Variants in UPRT observed in about 807,000 individuals in gnomAD.
The protein encoded by UPRT is uracil phosphoribosyltransferase homolog, also known as RP11-311P8.3.
UPRT carries 5 observed loss-of-function variants against 22.6 expected under a neutral mutation model. That is an observed-to-expected ratio of 0.22 (90% CI 0.12 to 0.47). The LOEUF (loss-of-function observed/expected upper bound fraction) is 0.47. UPRT is among the 20% of genes least tolerant of loss of function. The pLI, the probability that UPRT is intolerant of heterozygous loss-of-function variation, is 0.99. For missense variants in UPRT, 181 were observed against 239.9 expected (o/e 0.75, Z 1.62); for synonymous variants, 77 against 87.7 (o/e 0.88, Z 0.68).
chrX:75,186,069 G>C (rs1171958878), intron 4 of UPRT, among the ~76,000 whole-genome samples: 1 of 111,018 alleles, frequency 9.0e-6, no homozygotes, highest in East Asian at 2.8e-4. Flanking sequence ...GCTAGCTTTT[G>C]AATGTGTTTG....
Position 75,175,487 on chromosome X carries a change from C to T in UPRT, c.-447+7608C>T, listed in dbSNP as rs143551940. ...GACAGGAGATTAACACTGAGAAGGC[C>T]GCACCAGTGTCCAGGAGGAAGTCAA... On this transcript the variant is annotated intron_variant, in intron 4 of 13. Transcript: ENST00000652605. 9.8e-3 allele frequency among the ~76,000 whole-genome samples: 1,097 copies of T among 111,766 alleles called. 15 individuals carry two copies. The highest frequency in any genetic ancestry group is 0.032 in the African/African-American group (990 of 30,719).
At chrX:75,205,012 G>C (rs1174830092) in intron 4 of UPRT, among the ~76,000 whole-genome samples, 1 of 111,177 alleles carries the variant, frequency 9.0e-6, no homozygotes, top group African/African-American at 3.3e-5. Flanking sequence ...TTAATGTGAA[G>C]AATGTGTGTG....
intron 4 of UPRT, among the ~76,000 whole-genome samples, chrX:75,239,711 G>T (rs1247168704): frequency 9.0e-6 from 1 of 111,306 alleles, no homozygotes; most frequent in Non-Finnish European, 1.9e-5. Flanking sequence ...CAAAATACCA[G>T]CTAAATGAAT....
chrX:75,171,496 T>A, intron 4 of UPRT, among the ~76,000 whole-genome samples: 1 of 111,334 alleles, frequency 9.0e-6, no homozygotes, highest in African/African-American at 3.3e-5. Context: ...ATTTTTTCAT[T>A]TCCTTAAATT....
rs1218346887 is a variant in UPRT, at chrX:75,304,812, A to G, written c.*1301A>G. 1.8e-4 allele frequency among the ~76,000 whole-genome samples: 20 copies of G among 112,181 alleles called. No homozygotes were observed. Among genetic ancestry groups the G allele is most frequent in the Non-Finnish European group, 1.1e-4 (6 of 53,251 alleles). On this transcript the variant is annotated 3_prime_UTR_variant, in exon 7 of 7. Transcript: ENST00000373383. ...GGGACTAGAATACTAGAAGAACTTCAGTATATTTTTCCCTTTATTTTTGAA... is the reference window on the plus strand; with the variant it reads ...GGGACTAGAATACTAGAAGAACTTCGGTATATTTTTCCCTTTATTTTTGAA...
intron 4 of UPRT, among the ~76,000 whole-genome samples, chrX:75,237,060 G>T (rs942987324): frequency 7.2e-5 from 8 of 111,869 alleles, no homozygotes; most frequent in African/African-American, 2.3e-4. Flanking sequence ...CTGACAAAGG[G>T]CTAATATTCA....
intron 4 of UPRT, among the ~76,000 whole-genome samples, chrX:75,191,419 G>T (rs1422095842): frequency 9.0e-6 from 1 of 111,684 alleles, no homozygotes; most frequent in Non-Finnish European, 1.9e-5. Flanking sequence ...GGCTACTCGG[G>T]GGTGAGGGAC....
chrX:75,204,730 A>AT (rs2082358602), intron 4 of UPRT, among the ~76,000 whole-genome samples: 1 of 111,328 alleles, frequency 9.0e-6, no homozygotes, highest in Admixed American at 9.6e-5. Flanking sequence ...CTGTTTGTGC[A>AT]TTTTTTCCAA....
chrX:75,260,390 TA>T (rs1331406393), intron 4 of UPRT, among the ~76,000 whole-genome samples: 1 of 110,834 alleles, frequency 9.0e-6, no homozygotes, highest in Non-Finnish European at 1.9e-5. Flanking sequence ...AGGTTCAAAA[TA>T]AAGGGATGGA....
At chrX:75,173,563 G>T (rs1025455082) in intron 4 of UPRT, among the ~76,000 whole-genome samples, 34 of 112,772 alleles carry the variant, frequency 3.0e-4, no homozygotes, top group African/African-American at 1.1e-3. Flanking sequence ...GGGGCTGCAG[G>T]TGGAGCTGCC....
chrX:75,197,350 C>T (rs1323252021), intron 4 of UPRT, among the ~76,000 whole-genome samples: 1 of 111,278 alleles, frequency 9.0e-6, no homozygotes, highest in Non-Finnish European at 1.9e-5. Flanking sequence ...TTAAAAGTTA[C>T]AAAACATTTA....
intron 4 of UPRT, among the ~76,000 whole-genome samples, chrX:75,228,809 A>G (rs1384556192): frequency 8.9e-6 from 1 of 112,116 alleles, no homozygotes; most frequent in Non-Finnish European, 1.9e-5. Flanking sequence ...AAAGTTGGCA[A>G]TATGTATTTG....
chrX:75,298,666 A>G (rs1477136802), intron 4 of UPRT, among the ~76,000 whole-genome samples: 1 of 112,593 alleles, frequency 8.9e-6, no homozygotes, highest in Non-Finnish European at 1.9e-5. Flanking sequence ...AAATGCCTCA[A>G]GTAAACTAGG....
intron 4 of UPRT, among the ~76,000 whole-genome samples, chrX:75,195,101 T>C (rs2082329197): frequency 9.1e-6 from 1 of 110,246 alleles, no homozygotes; most frequent in South Asian, 3.9e-4. Context: ...GTGTAGGAGG[T>C]GGCCGTGGGC....
chrX:75,185,843 T>C, intron 4 of UPRT, among the ~76,000 whole-genome samples: 1 of 111,874 alleles, frequency 8.9e-6, no homozygotes, highest in East Asian at 2.8e-4. Flanking sequence ...TGGTAGTTTG[T>C]ATTTCTGTGG....
intron 1 of UPRT, among the ~76,000 whole-genome samples, chrX:75,284,481 C>T (rs867928502): frequency 9.0e-6 from 1 of 111,688 alleles, no homozygotes; most frequent in Non-Finnish European, 1.9e-5. Context: ...TTTTGTCCCA[C>T]GGGGTGTTTC....
intron 4 of UPRT, among the ~76,000 whole-genome samples, chrX:75,261,907 C>T (rs1211859108): frequency 9.0e-6 from 1 of 110,805 alleles, no homozygotes; most frequent in Admixed American, 9.7e-5. Flanking sequence ...ATAAACAGAA[C>T]CATTCAAATT....
chrX:75,274,887 G>T, intron 1 of UPRT: 1 of 370,077 alleles, frequency 2.7e-6, no homozygotes, highest in Non-Finnish European at 4.6e-6. Context: ...TGGGGAGGAA[G>T]ACTTTAGGTA....
chrX:75,281,903 T>C lies in UPRT; in HGVS notation c.386+7263T>C, dbSNP rs551492048. ...TGAATCTATCTGATCCTGGACTTTT[T>C]TTTTGTTGGTAATTTTTAAATTACC... On this transcript the variant is annotated intron_variant, in intron 1 of 6. Transcript: ENST00000373383. Among the ~76,000 whole-genome samples, 102 of 111,467 alleles carry C rather than the reference T, an allele frequency of 9.2e-4. 1 individual carries two copies. The South Asian group carries it at 0.035, about 38-fold the overall frequency.
Sources: allele counts gnomAD v4.1 joint callset (sites outside exome capture counted in the v4.1 genomes callset), GRCh38; gene constraint gnomAD v4.1.1; transcripts MANE v1.5; gene names NCBI Gene and HGNC (gene_info 2026-07-23, HGNC 2026-07-21).